The following SETD1B variants were observed in gnomAD, a reference collection of about 807,000 sequenced individuals.
SETD1B encodes the protein histone-lysine N-methyltransferase SETD1B.
A neutral mutation model predicts 148.0 loss-of-function variants in SETD1B; 7 were observed. That is an observed-to-expected ratio of 0.05 (90% confidence interval 0.03 to 0.09). SETD1B has a LOEUF of 0.09. Among genes scored for constraint, SETD1B ranks in the 10% least tolerant of loss-of-function variants. The probability of loss-of-function intolerance (pLI) is 1.00; values close to 1 mark genes in which losing one functional copy is unlikely to be tolerated. For missense variants in SETD1B, 2,155 were observed against 2,729.9 expected (o/e 0.79, Z 4.69); for synonymous variants, 1,361 against 1,186.5 (o/e 1.15, Z -3.02).
rs1451626385 is a variant in SETD1B, at chr12:121,819,589, G to GCTT, written c.3607_3609dup (p.Ser1203dup). ...GGAGATGGTGGCCGAGGAAAGCATG[G>GCTT]CTTCTGCAGGCCCTGAGGACTTTGA... On this transcript the variant is annotated inframe_insertion, in exon 11 of 17. Coordinates refer to ENST00000604567, the MANE Select transcript of SETD1B (RefSeq NM_001353345.2). 6.4e-7 allele frequency: 1 copy of GCTT among 1,552,326 alleles called. No homozygotes were observed. The highest frequency in any genetic ancestry group is 8.7e-7 in the Non-Finnish European group (1 of 1,147,214).
intron 12 of SETD1B, among the ~76,000 whole-genome samples, chr12:121,824,779 G>A (rs1304756606): frequency 6.6e-6 from 1 of 152,078 alleles, no homozygotes; most frequent in Non-Finnish European, 1.5e-5. Flanking sequence ...TTGGGAGGCC[G>A]AGGTGGATGG....
rs1418957532 is a variant in SETD1B at position 121,817,793 on chromosome 12, C to T, written c.3313-6C>T. The stretch of plus-strand genomic sequence containing the variant: ...TCACCTGTCCCCACTCTTCCTTCTC[C>T]CCCAGGATGACGACGATGACGACAG... On this transcript the variant is annotated splice_polypyrimidine_tract_variant and splice_region_variant and intron_variant, in intron 9 of 16. Coordinates refer to ENST00000604567, the MANE Select transcript of SETD1B (RefSeq NM_001353345.2). The surrounding 1 kb of genome is among the most constrained non-coding windows in gnomAD (Gnocchi z 8.1). 1.9e-6 allele frequency: 3 copies of T among 1,548,526 alleles called. No individual in the cohort carries two copies. The highest frequency in any genetic ancestry group is 2.6e-6 in the Non-Finnish European group (3 of 1,145,280).
At position 121,827,521 on chromosome 12, in the gene SETD1B, C is replaced by T. The variant is rs754636355; in HGVS notation, c.5340C>T (p.Gly1780=). 2 of 1,537,402 alleles carry T rather than the reference C, an allele frequency of 1.3e-6. No homozygotes were observed. The highest frequency in any genetic ancestry group is 2.4e-5 in the South Asian group (2 of 83,664). ...STDEPPADTQ[G]MSIPAQPHAS... is the part of the protein sequence containing the mutation. ...GCCCCGCACACCGTCCACTGCAGGG[C>T]ATGAGCATCCCAGCACAGCCCCACG... Residue 1780 remains glycine (G), a splice_region_variant and synonymous_variant, in exon 14 of 17, where the codon GGC becomes GGT. Transcript: ENST00000604567.
chr12:121,820,132 A>G (rs118074726), intron 11 of SETD1B, among the ~76,000 whole-genome samples: 4,143 of 152,306 alleles, frequency 0.027, 76 homozygotes, highest in Non-Finnish European at 0.046. Flanking sequence ...TTCAGTCCTC[A>G]CTGCCAGCGT....
At chr12:121,820,205 G>A (rs1169960821) in intron 11 of SETD1B, among the ~76,000 whole-genome samples, 1 of 152,246 alleles carries the variant, frequency 6.6e-6, no homozygotes, top group Admixed American at 6.5e-5. Context: ...AGGAGGATGG[G>A]TGTCCATGGT....
intron 11 of SETD1B, among the ~76,000 whole-genome samples, chr12:121,820,544 T>A (rs1876517589): frequency 6.6e-6 from 1 of 152,036 alleles, no homozygotes; most frequent in Non-Finnish European, 1.5e-5. Flanking sequence ...TTTATTTTTA[T>A]TTTTTTTGAG....
the SETD1B span, among the ~76,000 whole-genome samples, chr12:121,798,559 G>A: frequency 3.9e-5 from 6 of 152,214 alleles, no homozygotes; most frequent in Non-Finnish European, 8.8e-5. Flanking sequence ...CACTTTACAG[G>A]GAGACACTCA....
upstream of SETD1B, chr12:121,801,402 G>C (rs936921259): frequency 6.6e-6 from 1 of 152,260 alleles, no homozygotes; most frequent in African/African-American, 2.4e-5. Flanking sequence ...ACAGGGGTCC[G>C]AAGAGCCCTT....
chr12:121,804,867 C>T lies in SETD1B; in HGVS notation c.130C>T (p.His44Tyr). Residue 44 changes from histidine (H) to tyrosine (Y), a missense_variant, in exon 2 of 17, where the codon CAT (histidine) becomes TAT (tyrosine). His to Tyr is a moderately conservative substitution (Grantham distance 83). This residue lies in a region of SETD1B where 124 missense variants were observed against 282.9 expected (regional missense o/e 0.44). Transcript: ENST00000604567. The surrounding 1 kb of genome is among the most constrained non-coding windows in gnomAD (Gnocchi z 4.6). ...GATTGACCCGGCTCTGAAAAAGGGG[C>T]ATCATAAACTGTACCGCTACGATGG... ...LMIDPALKKG[H>Y]HKLYRYDGQH... 1 of 1,549,148 alleles carries T rather than the reference C, an allele frequency of 6.5e-7. No individual in the cohort carries two copies. Among genetic ancestry groups the T allele is most frequent in the Non-Finnish European group, 8.7e-7 (1 of 1,146,168 alleles).
intron 11 of SETD1B, among the ~76,000 whole-genome samples, chr12:121,820,836 G>A (rs944564422): frequency 2.0e-4 from 30 of 152,074 alleles, no homozygotes; most frequent in African/African-American, 7.2e-4. Context: ...CCCGGTCCTA[G>A]CACCTACCTT....
At chr12:121,818,667 G>C (rs534967397) in intron 10 of SETD1B, among the ~76,000 whole-genome samples, 59 of 151,986 alleles carry the variant, frequency 3.9e-4, no homozygotes, top group Admixed American at 6.6e-4. Context: ...AAGGCAAGTG[G>C]ATCACGAGGT....
chr12:121,822,514 A>C lies in SETD1B; in HGVS notation c.3935A>C (p.Glu1312Ala). 4 of 1,546,368 alleles carry C rather than the reference A, an allele frequency of 2.6e-6. No homozygotes were observed. The highest frequency in any genetic ancestry group is 3.5e-6 in the Non-Finnish European group (4 of 1,143,448). Residue 1312 changes from glutamate (E) to alanine (A), a missense_variant, in exon 12 of 17, where the codon GAG becomes GCG. Glu to Ala is a moderately radical substitution (Grantham distance 107, BLOSUM62 -1). Transcript: ENST00000604567. The part of the protein sequence containing the change: ...APEHDLEVEP[E>A]PPMMLPLPLQ... ...GAACATGACCTGGAAGTGGAGCCGG[A>C]GCCCCCTATGATGCTCCCCTTGCCG... is the stretch of plus-strand genomic sequence containing the variant.
the SETD1B span, chr12:121,793,103 C>T: frequency 6.7e-7 from 1 of 1,496,304 alleles, no homozygotes; most frequent in South Asian, 1.2e-5. Flanking sequence ...GAGGGGAAAC[C>T]CTTCGGGCGG....
chr12:121,814,765 G>A lies in SETD1B; in HGVS notation c.2550G>A (p.Met850Ile), dbSNP rs766805504. 2 of 1,551,400 alleles carry A rather than the reference G, an allele frequency of 1.3e-6. No homozygotes were observed. Among genetic ancestry groups the A allele is most frequent in the Non-Finnish European group, 1.7e-6 (2 of 1,146,982 alleles). ...CGTCAGTGCCTCCACCAGGCTACAT[G>A]CCACGCCAGGAGGACCCACACAAAG... ...FDPSVPPPGY[M>I]PRQEDPHKAT... is the part of the protein sequence containing the mutation. Residue 850 changes from methionine to isoleucine, a missense_variant, in exon 7 of 17, where the codon ATG (methionine) becomes ATA (isoleucine). Met to Ile is a conservative substitution (Grantham distance 10). Transcript: ENST00000604567.
the SETD1B span, chr12:121,797,370 C>T: frequency 2.3e-6 from 1 of 441,642 alleles, no homozygotes; most frequent in Non-Finnish European, 4.6e-6. Flanking sequence ...CCCCGCCCCG[C>T]GTTCGCTGGG....
chr12:121,824,371 G>T (rs1310330189), intron 12 of SETD1B, among the ~76,000 whole-genome samples: 2 of 152,226 alleles, frequency 1.3e-5, no homozygotes, highest in Non-Finnish European at 2.9e-5. Context: ...CAAGTGCCGG[G>T]CACCATGGCT....
Position 121,817,673 on chromosome 12 carries a change from C to T in SETD1B, c.3281C>T (p.Ser1094Phe), listed in dbSNP as rs868341465. The T allele has an allele frequency of 6.5e-7, 1 of 1,550,118 alleles. No individual in the cohort carries two copies. The highest frequency in any genetic ancestry group is 1.4e-5 in the African/African-American group (1 of 73,148). Residue 1094 changes from serine to phenylalanine, a missense_variant, in exon 9 of 17, where the codon TCC (serine) becomes TTC (phenylalanine). By Grantham distance (155) the Ser-to-Phe change is radical. Transcript: ENST00000604567. This position sits in a 1 kb window ranked among gnomAD's most constrained non-coding sequence, Gnocchi z 8.1. ...EEEEVPRSQL[S>F]SSSTSSTSDK... The stretch of plus-strand genomic sequence containing the variant: ...GAGGAAGTCCCCAGGAGCCAGCTCT[C>T]CTCCTCCTCAACCTCATCCACATCA...
At chr12:121,791,847 A>G in the SETD1B span, among the ~76,000 whole-genome samples, 9 of 152,354 alleles carry the variant, frequency 5.9e-5, no homozygotes, top group East Asian at 1.7e-3. Flanking sequence ...ACCCAGCAGC[A>G]CTTGACTCAA....
At chr12:121,793,043 A>G in the SETD1B span, 2 of 955,514 alleles carry the variant, frequency 2.1e-6, no homozygotes, top group African/African-American at 3.3e-5. Context: ...AGAGCCGGCC[A>G]AGGCCCTGCC....
Sources: gnomAD v4.1 joint callset for allele counts (sites outside exome capture counted in the v4.1 genomes callset) on GRCh38, gnomAD v4.1.1 for gene constraint, gnomAD v4.1.1 regional missense constraint, Gnocchi (gnomAD v3.1) non-coding constraint, MANE v1.5 for transcripts, NCBI Gene and HGNC (gene_info 2026-07-23, HGNC 2026-07-21) for gene names.